Variants in GFAP observed in about 807,000 individuals in gnomAD.
The protein encoded by GFAP is intermediate filament protein.
A neutral mutation model predicts 49.3 loss-of-function variants in GFAP; 38 were observed. The observed-to-expected ratio is 0.77, with a 90% CI of 0.60 to 1.01. GFAP has a LOEUF of 1.01. Among genes scored for constraint, GFAP ranks in the 50% least tolerant of loss-of-function variants. GFAP has a pLI of 0.00. For missense variants in GFAP, 463 were observed against 579.1 expected, an observed-to-expected ratio of 0.80 and a Z score of 2.06; for synonymous variants, 222 against 236.4, an observed-to-expected ratio of 0.94 and a Z score of 0.56.
rs1044835745 is a variant in GFAP, at chr17:44,904,598, A to G, written c.*2749T>C. On this transcript the variant is annotated 3_prime_UTR_variant, in exon 9 of 9. Coordinates refer to ENST00000588735, the MANE Select transcript of GFAP (RefSeq NM_002055.5). Reference sequence around the variant, plus strand: ...CATCCGGGAGGGCGTGCTGGCCATCATTAACTATGTGTCCAAAGTGGGCAG... The same window carrying G: ...CATCCGGGAGGGCGTGCTGGCCATCGTTAACTATGTGTCCAAAGTGGGCAG... The G allele has an allele frequency of 2.6e-6, 4 of 1,550,580 alleles. No individual in the cohort carries two copies. In the South Asian group the frequency reaches 4.8e-5, roughly 18 times the overall value.
rs753111540 is a variant in GFAP, at chr17:44,904,779, A to G, written c.*2568T>C. On this transcript the variant is annotated 3_prime_UTR_variant, in exon 9 of 9. Coordinates refer to ENST00000588735, the MANE Select transcript of GFAP (RefSeq NM_002055.5). ...CGCACACAGTACCTGAAGGGTGTCAACAGGTCCATGAGGGTGTTCATTGAC... is the reference window on the plus strand; with the variant it reads ...CGCACACAGTACCTGAAGGGTGTCAGCAGGTCCATGAGGGTGTTCATTGAC... 2.6e-6 allele frequency: 4 copies of G among 1,550,672 alleles called. No individual in the cohort carries two copies. Among genetic ancestry groups the G allele is most frequent in the African/African-American group, 1.4e-5 (1 of 73,184 alleles).
intron 7 of GFAP, 130 bp downstream of exon 7, chr17:44,910,485 G>A: frequency 6.4e-7 from 1 of 1,553,968 alleles, no homozygotes; most frequent in African/African-American, 1.4e-5. Flanking sequence ...GCGCTGCAGT[G>A]TCACGAAGGC....
chr17:44,907,543 A>G, intron 8 of GFAP, 155 bp from the exon 9 acceptor site: 2 of 703,760 alleles, frequency 2.8e-6, no homozygotes, highest in Non-Finnish European at 2.6e-6. Flanking sequence ...TGGTGGACAG[A>G]GGGGGTGGTG....
Position 44,904,340 on chromosome 17 carries a change from A to G in GFAP, c.*3007T>C, listed in dbSNP as rs924474628. 3.2e-5 allele frequency: 49 copies of G among 1,541,832 alleles called. No individual in the cohort carries two copies. Among genetic ancestry groups the G allele is most frequent in the Non-Finnish European group, 4.2e-5 (48 of 1,141,778 alleles). The stretch of plus-strand genomic sequence containing the variant: ...CTATGGGCACCTCCATGTCTTCACC[A>G]CCTTCTGGGAATGGACCCCCTGTGA... On this transcript the variant is annotated 3_prime_UTR_variant, in exon 9 of 9. Coordinates refer to ENST00000588735, the MANE Select transcript of GFAP (RefSeq NM_002055.5).
intron 7 of GFAP, chr17:44,909,070 CA>C (rs2145628312): frequency 6.6e-6 from 1 of 152,026 alleles, no homozygotes; most frequent in South Asian, 2.1e-4. Context: ...TACTGCATTC[CA>C]GCCTGAGTGA....
chr17:44,915,039 T>C lies in GFAP; in HGVS notation c.448A>G (p.Thr150Ala), dbSNP rs1455198637. The C allele has an allele frequency of 1.2e-6, 2 of 1,611,514 alleles. No homozygotes were observed. Among genetic ancestry groups the C allele is most frequent in the Admixed American group, 1.7e-5 (1 of 60,018 alleles). Residue 150 changes from threonine (T) to alanine (A), a missense_variant, in exon 1 of 9, where the codon ACT becomes GCT. Thr to Ala is a moderately conservative substitution (Grantham distance 58). Around this residue, in one of 3 missense-constraint regions of GFAP, gnomAD observed 362 missense variants for 445.5 expected, o/e 0.81. Transcript: ENST00000588735. This position sits in a 1 kb window ranked among gnomAD's most constrained non-coding sequence, Gnocchi z 4.1. Reference sequence around the variant, plus strand: ...TCCCCTCCTCACTTCTGCCTCACAGTGGCCAGGTCCTGTGCCAGATTGTCC... The same window carrying C: ...TCCCCTCCTCACTTCTGCCTCACAGCGGCCAGGTCCTGTGCCAGATTGTCC... ...ERDNLAQDLA[T>A]VRQKLQDETN...
At position 44,903,159 on chromosome 17, in the gene GFAP, T is replaced by G. The variant is rs1316833535; in HGVS notation, c.*4188A>C. On this transcript the variant is annotated 3_prime_UTR_variant, in exon 9 of 9. Transcript: ENST00000588735. ...CTATACCAGTTACAGCCTCCACTCA[T>G]AAAAGGGAAAAAGCAAAATCTTTAT... 7.9e-7 allele frequency: 1 copy of G among 1,258,936 alleles called. No individual in the cohort carries two copies. Among genetic ancestry groups the G allele is most frequent in the Non-Finnish European group, 1.0e-6 (1 of 1,003,442 alleles). 78.0% of individuals were successfully genotyped at this position (1,258,936 alleles called of 1,614,324 possible). A position where few individuals can be genotyped will look rare whatever the true frequency, so the allele number is the denominator to read the frequency against.
chr17:44,910,908 T>G, intron 6 of GFAP: 2 of 615,592 alleles, frequency 3.2e-6, no homozygotes, highest in South Asian at 3.9e-5. Flanking sequence ...GGGAAAGTGG[T>G]GAAGAAAGTT....
chr17:44,904,566 C>T lies in GFAP; in HGVS notation c.*2781G>A, dbSNP rs1567767643. 1.9e-6 allele frequency: 3 copies of T among 1,550,590 alleles called. No individual in the cohort carries two copies. The African/African-American group carries it at 4.1e-5, about 21-fold the overall frequency. ...AGCTGCTTAGTACCCTGTGAGAAGA[C>T]AAAGACCATCCGGGAGGGCGTGCTG... On this transcript the variant is annotated 3_prime_UTR_variant, in exon 9 of 9. Coordinates refer to ENST00000588735, the MANE Select transcript of GFAP (RefSeq NM_002055.5).
In GFAP at chr17:44,915,081, G is replaced by A. The variant is rs774799414; in HGVS notation, c.406C>T (p.Arg136Trp). The change falls in exon 1 of 9, where the codon CGG (arginine) becomes TGG (tryptophan). Residue 136 changes from arginine to tryptophan, a missense_variant. Coordinates refer to ENST00000588735, the MANE Select transcript of GFAP (RefSeq NM_002055.5). This position sits in a 1 kb window ranked among gnomAD's most constrained non-coding sequence, Gnocchi z 4.1. Reference sequence around the variant, plus strand: ...AGATTGTCCCTCTCAACCTCCAGCCGGGCGCTGTTGGCGGTGAGTTGATCG... The same window carrying A: ...AGATTGTCCCTCTCAACCTCCAGCCAGGCGCTGTTGGCGGTGAGTTGATCG... ...RLDQLTANSA[R>W]LEVERDNLAQ... 9.9e-6 allele frequency: 16 copies of A among 1,613,222 alleles called. No homozygotes were observed. Among genetic ancestry groups the A allele is most frequent in the Middle Eastern group, 1.6e-4 (1 of 6,082 alleles).
chr17:44,908,005 C>T, intron 8 of GFAP, 59 bp downstream of exon 8: 1 of 1,197,302 alleles, frequency 8.4e-7, no homozygotes. Context: ...CCTCCATGGC[C>T]TGGCCTTGAG....
intron 4 of GFAP, 32 bp from the exon 5 acceptor site, chr17:44,911,829 G>A (rs775338095): frequency 1.3e-6 from 2 of 1,598,192 alleles, no homozygotes; most frequent in Non-Finnish European, 1.7e-6. Flanking sequence ...GGGGCTGTGT[G>A]GGCCCATGGG....
rs1273313349 is a variant in GFAP, at chr17:44,905,059, C to G, written c.*2288G>C. The G allele has an allele frequency of 1.1e-5, 17 of 1,541,606 alleles. No individual in the cohort carries two copies. The highest frequency in any genetic ancestry group is 1.5e-5 in the Non-Finnish European group (17 of 1,140,710). On this transcript the variant is annotated 3_prime_UTR_variant, in exon 9 of 9. Coordinates refer to ENST00000588735, the MANE Select transcript of GFAP (RefSeq NM_002055.5). ...GCTACTTATTTCACTGTTGTCCCAG[C>G]TTCTCCCCCTAGGAGCTCTCTTCAG...
chr17:44,907,086 C>T lies in GFAP; in HGVS notation c.*261G>A. ...TCCTCATTCTAACGCAAGCTGCTGG[C>T]CATGCCCCTCCAGACTGCCCCTTGG... is the stretch of plus-strand genomic sequence containing the variant. On this transcript the variant is annotated 3_prime_UTR_variant, in exon 9 of 9. Coordinates refer to ENST00000588735, the MANE Select transcript of GFAP (RefSeq NM_002055.5). The T allele has an allele frequency of 3.5e-6, 2 of 572,304 alleles. No homozygotes were observed. Among genetic ancestry groups the T allele is most frequent in the South Asian group, 4.0e-5 (2 of 50,234 alleles). 35.5% of individuals were successfully genotyped at this position (572,304 alleles called of 1,614,324 possible).
chr17:44,910,197 A>C, intron 7 of GFAP: 1 of 1,613,888 alleles, frequency 6.2e-7, no homozygotes, highest in Non-Finnish European at 8.5e-7. Flanking sequence ...TATAACTCGT[A>C]TTGTGAGGCT....
chr17:44,911,134 C>CT, intron 6 of GFAP, 102 bp downstream of exon 6: 2 of 1,036,534 alleles, frequency 1.9e-6, no homozygotes, highest in South Asian at 2.5e-5. Context: ...GGGAAGGGAT[C>CT]TGCACACAAG....
intron 7 of GFAP, chr17:44,909,843 C>T: frequency 8.0e-7 from 1 of 1,243,016 alleles, no homozygotes; most frequent in Non-Finnish European, 1.0e-6. Context: ...GGGGCCCTCC[C>T]AGTGACAGGA....
intron 7 of GFAP, 151 bp from the exon 8 acceptor site, chr17:44,908,300 G>T: frequency 1.6e-6 from 1 of 606,348 alleles, no homozygotes; most frequent in Non-Finnish European, 3.0e-6. Context: ...TTCCAAACGG[G>T]CTGGAGAGCC....
chr17:44,907,472 TTGGGAAG>T (rs2051671380), intron 8 of GFAP, 84 bp from the exon 9 acceptor site: 15 of 997,300 alleles, frequency 1.5e-5, no homozygotes, highest in South Asian at 1.4e-4. Context: ...CTGTGTAACC[TTGGGAAG>T]TCCCCGACTT....
Sources: allele counts gnomAD v4.1 joint callset, GRCh38; gene constraint gnomAD v4.1.1; regional missense constraint gnomAD v4.1.1; non-coding constraint Gnocchi (gnomAD v3.1); transcripts MANE v1.5; gene names NCBI Gene and HGNC (gene_info 2026-07-23, HGNC 2026-07-21).